The following HDAC5 variants were observed in gnomAD, a reference collection of about 807,000 sequenced individuals.
HDAC5 encodes the protein antigen NY-CO-9.
HDAC5 carries 25 observed loss-of-function variants against 133.3 expected under a neutral mutation model. That is an observed-to-expected ratio of 0.19 (90% CI 0.14 to 0.26). The LOEUF (loss-of-function observed/expected upper bound fraction) is 0.26, where lower values mean the gene tolerates loss of function less well. Ranked by LOEUF, HDAC5 falls within the 10% of genes least tolerant of loss-of-function variation. The pLI is 1.00. For missense variants in HDAC5, 1,041 were observed against 1,460.5 expected, an observed-to-expected ratio of 0.71 and a Z score of 4.68; for synonymous variants, 589 against 610.8, an observed-to-expected ratio of 0.96 and a Z score of 0.53.
chr17:44,092,272 C>A lies in HDAC5; in HGVS notation c.932G>T (p.Cys311Phe), dbSNP rs751070575. Reference sequence around the variant, plus strand: ...GGGGCCGGAGCCGGGTGCGCTGTTACACACGGACGACGCTATAGGAGAAGT... The same window carrying A: ...GGGGCCGGAGCCGGGTGCGCTGTTAAACACGGACGACGCTATAGGAGAAGT... ...TGAGPGASSV[C>F]NSAPGSGPSS... The change falls in exon 9 of 27, where the codon TGT becomes TTT. Residue 311 changes from cysteine to phenylalanine, a missense_variant. Physicochemically the swap from Cys to Phe is radical, Grantham distance 205 (BLOSUM62 -2). Around this residue, in one of 9 missense-constraint regions of HDAC5, gnomAD observed 433 missense variants for 531.6 expected, o/e 0.81. Transcript: ENST00000682912. 6.2e-7 allele frequency: 1 copy of A among 1,613,926 alleles called. No homozygotes were observed. Among genetic ancestry groups the A allele is most frequent in the African/African-American group, 1.3e-5 (1 of 74,902 alleles).
rs553655838 is a variant in HDAC5, at chr17:44,117,379, C to G, written c.22+115G>C. 1.9e-4 allele frequency: 221 copies of G among 1,158,292 alleles called. No homozygotes were observed. The African/African-American group carries it at 3.2e-3, about 17-fold the overall frequency. The allele number at this position is 1,158,292 out of a possible 1,614,324, so 71.8% of individuals were successfully genotyped here. ...GCAACACTTCTCCACTCCTTACCCCCTCATTCCCTTATAGCTCAGACAGTA... is the reference window on the plus strand; with the variant it reads ...GCAACACTTCTCCACTCCTTACCCCGTCATTCCCTTATAGCTCAGACAGTA... On this transcript the variant is annotated intron_variant, in intron 2 of 26. Transcript: ENST00000682912. This position sits in a 1 kb window ranked among gnomAD's most constrained non-coding sequence, Gnocchi z 4.2.
intron 16 of HDAC5, among the ~76,000 whole-genome samples, 161 bp from the exon 17 acceptor site, chr17:44,084,015 T>A (rs573173355): frequency 4.0e-5 from 6 of 151,746 alleles, no homozygotes; most frequent in Non-Finnish European, 7.4e-5. Flanking sequence ...ACCCAGCTAC[T>A]CAATAGGCTC....
At chr17:44,081,020 G>T (rs1410540330) in intron 20 of HDAC5, 138 bp from the exon 21 acceptor site, 1 of 1,157,528 alleles carries the variant, frequency 8.6e-7, no homozygotes, top group Non-Finnish European at 1.2e-6. Context: ...AGGATCGCTT[G>T]AGCCCAGGAC....
At chr17:44,121,179 C>T (rs1407449798) in intron 1 of HDAC5, among the ~76,000 whole-genome samples, 2 of 150,574 alleles carry the variant, frequency 1.3e-5, no homozygotes, top group Non-Finnish European at 2.9e-5. Flanking sequence ...GGGCAGAAGA[C>T]GGGGTCTGTT....
rs1178961016 is a variant in HDAC5 at position 44,087,603 on chromosome 17, C to T, written c.1693G>A (p.Gly565Arg). The change falls in exon 13 of 27, where the codon GGG (glycine) becomes AGG (arginine). Residue 565 changes from glycine (G) to arginine (R), a missense_variant. By Grantham distance (125) the Gly-to-Arg change is moderately radical. Coordinates refer to ENST00000682912, the MANE Select transcript of HDAC5 (RefSeq NM_005474.5). ...CGGGGCATGGTCAGGGCTCCCTCCCCCAGCAAGACCTCCTGCTGCTCCGTC... is the reference window on the plus strand; with the variant it reads ...CGGGGCATGGTCAGGGCTCCCTCCCTCAGCAAGACCTCCTGCTGCTCCGTC... ...ELTEQQEVLL[G>R]EGALTMPREG... is the part of the protein sequence containing the mutation. 5 of 1,613,948 alleles carry T rather than the reference C, an allele frequency of 3.1e-6. No homozygotes were observed. The highest frequency in any genetic ancestry group is 4.2e-6 in the Non-Finnish European group (5 of 1,179,980).
chr17:44,080,054 G>T, intron 23 of HDAC5, 53 bp downstream of exon 23: 1 of 1,280,418 alleles, frequency 7.8e-7, no homozygotes, highest in South Asian at 1.2e-5. Context: ...TGCCTCACTG[G>T]ACTCGATATC....
chr17:44,087,019 C>T (rs1193256128), intron 13 of HDAC5, among the ~76,000 whole-genome samples: 1 of 151,090 alleles, frequency 6.6e-6, no homozygotes, highest in Admixed American at 6.6e-5. Flanking sequence ...GAGTCAGGCC[C>T]GGAGGGCTCG....
intron 1 of HDAC5, chr17:44,123,244 C>A: frequency 3.4e-6 from 1 of 292,810 alleles, no homozygotes; most frequent in Non-Finnish European, 6.3e-6. Context: ...AAGGCGGGCC[C>A]CTCCCTTACC....
intron 2 of HDAC5, among the ~76,000 whole-genome samples, chr17:44,112,532 G>A (rs1448663666): frequency 1.3e-5 from 2 of 151,948 alleles, no homozygotes; most frequent in Admixed American, 1.3e-4. Flanking sequence ...CCCACTCCAG[G>A]CATGGAGCCA....
chr17:44,091,043 A>G (rs1232097918), intron 11 of HDAC5, among the ~76,000 whole-genome samples: 3 of 152,182 alleles, frequency 2.0e-5, no homozygotes, highest in African/African-American at 7.2e-5. Context: ...AGATTGTGTT[A>G]TGTTTCTACT....
At chr17:44,081,879 A>G (rs1335669649) in intron 20 of HDAC5, 3 of 152,172 alleles carry the variant, frequency 2.0e-5, no homozygotes, top group Non-Finnish European at 4.4e-5. Context: ...ATTGTGCCCA[A>G]CCACAAGCAC....
intron 15 of HDAC5, 59 bp from the exon 16 acceptor site, chr17:44,084,734 T>C (rs1337211940): frequency 1.3e-6 from 2 of 1,593,868 alleles, no homozygotes; most frequent in East Asian, 2.2e-5. Context: ...AGAGCCTCTC[T>C]GCCCCATAGC....
chr17:44,084,931 G>A, intron 15 of HDAC5, 91 bp downstream of exon 15: 1 of 1,480,030 alleles, frequency 6.8e-7, no homozygotes, highest in South Asian at 1.3e-5. Context: ...CTGAAGAGAG[G>A]ATGAGGAAGA....
Position 44,078,526 on chromosome 17 carries a change from A to C in HDAC5, c.3303T>G (p.Ala1101=). 1 of 1,611,212 alleles carries C rather than the reference A, an allele frequency of 6.2e-7. No homozygotes were observed. Among genetic ancestry groups the C allele is most frequent in the Non-Finnish European group, 8.5e-7 (1 of 1,178,966 alleles). ...LLSVGAEQAQ[A]AAAREHSPRP... ...TGGGGCTGTGTTCCCGGGCTGCCGC[A>C]GCCTGGGCCTGCTCGGCCCCCACCG... The change falls in exon 26 of 27, where the codon GCT becomes GCG. Residue 1101 remains alanine (A), a synonymous_variant. Transcript: ENST00000682912.
chr17:44,111,879 A>G (rs913320222), intron 2 of HDAC5, among the ~76,000 whole-genome samples: 7 of 152,214 alleles, frequency 4.6e-5, no homozygotes, highest in Middle Eastern at 3.4e-3. Flanking sequence ...CCTCACCCCA[A>G]TCCAGGAAAA....
chr17:44,093,889 A>C, intron 3 of HDAC5, 55 bp from the exon 4 acceptor site: 1 of 1,441,922 alleles, frequency 6.9e-7, no homozygotes, highest in Non-Finnish European at 9.1e-7. Flanking sequence ...GACTCCAGTC[A>C]TGCCTGAGGC....
At chr17:44,078,907 G>A (rs1378910812) in intron 24 of HDAC5, 28 bp from the exon 25 acceptor site, 4 of 1,611,764 alleles carry the variant, frequency 2.5e-6, no homozygotes, top group Non-Finnish European at 3.4e-6. Flanking sequence ...AGAAGGCTTA[G>A]GGTGGGGAGT....
intron 3 of HDAC5, among the ~76,000 whole-genome samples, chr17:44,102,144 A>G (rs1330829722): frequency 6.6e-6 from 1 of 152,196 alleles, no homozygotes; most frequent in Non-Finnish European, 1.5e-5. Context: ...CATATTGCAC[A>G]TGGGCTCTCG....
rs1174588946 is a variant in HDAC5, at chr17:44,078,592, C to CTCA, written c.3234_3236dup (p.Gly1078_Glu1079insAsp). 2 of 1,609,888 alleles carry CTCA rather than the reference C, an allele frequency of 1.2e-6. No individual in the cohort carries two copies. The highest frequency in any genetic ancestry group is 2.2e-5 in the East Asian group (1 of 44,870). ...CGCTCACAGTCTCGGCCTCCTCGGT[C>CTCA]TCACCTGCTTGGGCCTCTCGCAGGG... On this transcript the variant is annotated inframe_insertion, in exon 26 of 27. Coordinates refer to ENST00000682912, the MANE Select transcript of HDAC5 (RefSeq NM_005474.5).
Sources: allele counts gnomAD v4.1 joint callset (sites outside exome capture counted in the v4.1 genomes callset), GRCh38; gene constraint gnomAD v4.1.1; regional missense constraint gnomAD v4.1.1; non-coding constraint Gnocchi (gnomAD v3.1); transcripts MANE v1.5; gene names NCBI Gene and HGNC (gene_info 2026-07-23, HGNC 2026-07-21).